ISCA1: variants seen among roughly 807,000 people sequenced by gnomAD.
ISCA1 encodes iron-sulfur cluster assembly 1 homolog, mitochondrial.
ISCA1 carries 9 observed loss-of-function variants against 14.7 expected under a neutral mutation model. The observed-to-expected ratio is 0.61, with a 90% confidence interval of 0.37 to 1.07. ISCA1 has a LOEUF of 1.07. Ranked by LOEUF, ISCA1 falls within the 50% of genes least tolerant of loss-of-function variation. The probability of loss-of-function intolerance (pLI) is 0.01; values close to 1 mark genes in which losing one functional copy is unlikely to be tolerated. For missense variants in ISCA1, 102 were observed against 150.1 expected, an observed-to-expected ratio of 0.68 and a Z score of 1.67; for synonymous variants, 38 against 54.3, an observed-to-expected ratio of 0.70 and a Z score of 1.32.
chr9:86,282,231 C>T (rs997285490), intron 1 of ISCA1, 147 bp downstream of exon 1: 3 of 814,614 alleles, frequency 3.7e-6, no homozygotes, highest in East Asian at 5.8e-5. Context: ...GCGAAGGAGG[C>T]GGCGAGGCTG....
chr9:86,281,307 T>C (rs1295461572), intron 1 of ISCA1, among the ~76,000 whole-genome samples: 2 of 152,256 alleles, frequency 1.3e-5, no homozygotes, highest in African/African-American at 4.8e-5. Flanking sequence ...TTCTCTCACC[T>C]GATCACAATT....
intron 3 of ISCA1, among the ~76,000 whole-genome samples, chr9:86,266,615 G>A (rs929786820): frequency 6.6e-6 from 1 of 152,028 alleles, no homozygotes; most frequent in African/African-American, 2.4e-5. Flanking sequence ...TGATACAATG[G>A]GGCTATTTTA....
rs567106487 is a variant in ISCA1, at chr9:86,264,896, C to A, written c.*1147G>T. 2.6e-4 allele frequency: 40 copies of A among 152,236 alleles called. No homozygotes were observed. Among genetic ancestry groups the A allele is most frequent in the Non-Finnish European group, 1.5e-5 (1 of 68,020 alleles). The allele number at this position is 152,236 out of a possible 1,614,324, so 9.4% of individuals were successfully genotyped here. The stretch of plus-strand genomic sequence containing the variant: ...GTGATAAATATGTTAGGCTAAAATA[C>A]TAAGAACTTTAGCAACTGGACCGAG... On this transcript the variant is annotated 3_prime_UTR_variant, in exon 4 of 4. Coordinates refer to ENST00000375991, the MANE Select transcript of ISCA1 (RefSeq NM_030940.4).
chr9:86,277,019 G>C (rs1825446546), intron 1 of ISCA1, among the ~76,000 whole-genome samples: 1 of 151,970 alleles, frequency 6.6e-6, no homozygotes, highest in South Asian at 2.1e-4. Context: ...AAATGTGTCT[G>C]TCACACTACT....
At chr9:86,271,917 G>A (rs760618876) in intron 3 of ISCA1, 90 bp downstream of exon 3, 16 of 708,524 alleles carry the variant, frequency 2.3e-5, no homozygotes, top group African/African-American at 5.4e-5. Flanking sequence ...CATAATTCCT[G>A]CTACTATCCT....
intron 1 of ISCA1, among the ~76,000 whole-genome samples, chr9:86,279,042 C>T (rs1679018755): frequency 6.6e-6 from 1 of 152,154 alleles, no homozygotes; most frequent in African/African-American, 2.4e-5. Flanking sequence ...GTAGTATTTC[C>T]TAAACTGCCT....
chr9:86,273,523 A>T (rs1300725339), intron 2 of ISCA1, among the ~76,000 whole-genome samples: 3 of 152,228 alleles, frequency 2.0e-5, no homozygotes, highest in Admixed American at 6.5e-5. Context: ...CATGCAGCCA[A>T]GAAAGGGAGG....
chr9:86,273,899 G>A (rs1229627217), intron 2 of ISCA1, among the ~76,000 whole-genome samples: 3 of 152,176 alleles, frequency 2.0e-5, no homozygotes, highest in Non-Finnish European at 4.4e-5. Context: ...CAACTGTGAG[G>A]AGGCTGAGAA....
chr9:86,279,628 C>T (rs1825484321), intron 1 of ISCA1, among the ~76,000 whole-genome samples: 1 of 152,214 alleles, frequency 6.6e-6, no homozygotes, highest in Non-Finnish European at 1.5e-5. Context: ...CCCTTCCAAT[C>T]AGTTTTACTG....
intron 1 of ISCA1, among the ~76,000 whole-genome samples, chr9:86,280,659 A>G (rs1257148028): frequency 6.6e-6 from 1 of 151,706 alleles, no homozygotes; most frequent in Non-Finnish European, 1.5e-5. Context: ...TGATGGAGAA[A>G]GACATCAGGG....
chr9:86,280,563 C>A (rs1490805682), intron 1 of ISCA1, among the ~76,000 whole-genome samples: 2 of 145,604 alleles, frequency 1.4e-5, no homozygotes, highest in Non-Finnish European at 3.0e-5. Context: ...CCACTGCACT[C>A]CAGCCTGGGC....
chr9:86,277,746 C>T (rs1398270377), intron 1 of ISCA1, among the ~76,000 whole-genome samples: 1 of 152,054 alleles, frequency 6.6e-6, no homozygotes, highest in Non-Finnish European at 1.5e-5. Context: ...TGAGATTTGG[C>T]CCATGTTTTA....
chr9:86,270,236 A>C (rs1825351029), intron 3 of ISCA1, among the ~76,000 whole-genome samples: 1 of 144,038 alleles, frequency 6.9e-6, no homozygotes, highest in South Asian at 2.3e-4. Context: ...GAACTCAAAC[A>C]AATTTACAAG....
intron 3 of ISCA1, among the ~76,000 whole-genome samples, chr9:86,270,018 G>C: frequency 6.6e-6 from 1 of 151,524 alleles, no homozygotes; most frequent in African/African-American, 2.4e-5. Flanking sequence ...TTACCATTCA[G>C]GACATAGGCA....
chr9:86,282,236 AGGCTGTGCGGCGG>A (rs1189329390), intron 1 of ISCA1, 129 bp downstream of exon 1: 12 of 855,798 alleles, frequency 1.4e-5, no homozygotes, highest in African/African-American at 1.8e-5. Flanking sequence ...GGAGGCGGCG[AGGCTGTGCGGCGG>A]GTCGGAGCGA....
In ISCA1 at chr9:86,266,000, C is replaced by T. The variant is rs1279507763; in HGVS notation, c.*43G>A. On this transcript the variant is annotated 3_prime_UTR_variant, in exon 4 of 4. Coordinates refer to ENST00000375991, the MANE Select transcript of ISCA1 (RefSeq NM_030940.4). ...TTTCTGCAGTGAGCCCCAAAGCTTCCACGAGCTTTCCTGGAACCTACGGCC... is the reference window on the plus strand; with the variant it reads ...TTTCTGCAGTGAGCCCCAAAGCTTCTACGAGCTTTCCTGGAACCTACGGCC... The T allele has an allele frequency of 1.9e-6, 3 of 1,611,660 alleles. No homozygotes were observed. Among genetic ancestry groups the T allele is most frequent in the Non-Finnish European group, 2.5e-6 (3 of 1,179,646 alleles).
Position 86,282,382 on chromosome 9 carries a change from G to T in ISCA1, c.77C>A (p.Thr26Asn), listed in dbSNP as rs1299255286. 4 of 1,549,276 alleles carry T rather than the reference G, an allele frequency of 2.6e-6. No individual in the cohort carries two copies. In the Admixed American group the frequency reaches 7.8e-5, roughly 30 times the overall value. Reference protein sequence around the residue: ...RKLQPTRAALTLTPSAVNKIK... With the variant: ...RKLQPTRAALNLTPSAVNKIK... ...CCGCGCGCCGCGAGCACTCACCAGG[G>T]TGAGGGCTGCCCGGGTGGGCTGCAG... Residue 26 changes from threonine (T) to asparagine (N), a missense_variant, in exon 1 of 4, where the codon ACC (threonine) becomes AAC (asparagine). By Grantham distance (65) the Thr-to-Asn change is moderately conservative. Transcript: ENST00000375991.
At chr9:86,273,932 T>C (rs1265504284) in intron 2 of ISCA1, among the ~76,000 whole-genome samples, 1 of 152,216 alleles carries the variant, frequency 6.6e-6, no homozygotes, top group Non-Finnish European at 1.5e-5. Flanking sequence ...CCGCTTCAAA[T>C]GTATACATTA....
intron 3 of ISCA1, among the ~76,000 whole-genome samples, chr9:86,270,181 A>G (rs7033953): frequency 0.69 from 76,707 of 111,794 alleles, 27,443 homozygotes; most frequent in East Asian, 0.98. Context: ...GAAAATTTTC[A>G]CAACCTACTC....
Sources: gnomAD v4.1 joint callset for allele counts (sites outside exome capture counted in the v4.1 genomes callset) on GRCh38, gnomAD v4.1.1 for gene constraint, MANE v1.5 for transcripts, NCBI Gene and HGNC (gene_info 2026-07-23, HGNC 2026-07-21) for gene names.